Variants in MYH1 observed in about 807,000 individuals in gnomAD.
MYH1 encodes myosin heavy chain 1.
In MYH1, 214 loss-of-function variants were observed where a neutral mutation model predicts 225.6. That is an observed-to-expected ratio of 0.95 (90% CI 0.85 to 1.06). MYH1 has a LOEUF of 1.06. Among genes scored for constraint, MYH1 ranks in the 50% least tolerant of loss-of-function variants. The probability of loss-of-function intolerance (pLI) is 0.00; values close to 1 mark genes in which losing one functional copy is unlikely to be tolerated. For synonymous variants in MYH1, 774 were observed against 842.3 expected, an observed-to-expected ratio of 0.92 and a Z score of 1.40; for missense variants, 2,098 against 2,344.2, an observed-to-expected ratio of 0.89 and a Z score of 2.17.
chr17:10,499,014 T>C lies in MYH1; in HGVS notation c.3944A>G (p.Gln1315Arg), dbSNP rs2073025670. Residue 1315 changes from glutamine to arginine, a missense_variant, in exon 29 of 40, where the codon CAG becomes CGG. Transcript: ENST00000226207. ...AAGTTGCCTTTTCAGTTCCTCAATC[T>C]GTTGTGTAAAGGCTTGTTTGCCCCT... ...LSRGKQAFTQ[Q>R]IEELKRQLEE... 1 of 1,614,132 alleles carries C rather than the reference T, an allele frequency of 6.2e-7. No homozygotes were observed. The highest frequency in any genetic ancestry group is 8.5e-7 in the Non-Finnish European group (1 of 1,179,956).
In MYH1 at chr17:10,516,067, A is replaced by C; in HGVS notation, c.364T>G (p.Phe122Val). ...TTGTAGGGGTTGACAGTGACACAGA[A>C]CAAGCCTGAGTAGGTCTGCACCCAA... The part of the protein sequence containing the change: ...AWMIYTYSGL[F>V]CVTVNPYKWL... Residue 122 changes from phenylalanine (F) to valine (V), a missense_variant, in exon 5 of 40, where the codon TTC (phenylalanine) becomes GTC (valine). Transcript: ENST00000226207. 6.2e-7 allele frequency: 1 copy of C among 1,614,114 alleles called. No individual in the cohort carries two copies. The highest frequency in any genetic ancestry group is 8.5e-7 in the Non-Finnish European group (1 of 1,179,976).
intron 9 of MYH1, among the ~76,000 whole-genome samples, 170 bp downstream of exon 9, chr17:10,513,454 CTG>C (rs1407153164): frequency 1.3e-5 from 2 of 152,170 alleles, no homozygotes; most frequent in Non-Finnish European, 2.9e-5. Flanking sequence ...TACCTCATGA[CTG>C]GAGTGGGTAA....
Position 10,497,062 on chromosome 17 carries a change from T to C in MYH1, c.4656+7A>G. On this transcript the variant is annotated splice_region_variant and intron_variant, in intron 33 of 39. Transcript: ENST00000226207. Reference sequence around the variant, plus strand: ...AATTGTTTTAGAGTATGCAATAAAATGCTTACCTCTGCCTCCTCTAAGGCA... The same window carrying C: ...AATTGTTTTAGAGTATGCAATAAAACGCTTACCTCTGCCTCCTCTAAGGCA... The C allele has an allele frequency of 1.2e-6, 2 of 1,611,882 alleles. No individual in the cohort carries two copies. The highest frequency in any genetic ancestry group is 1.7e-6 in the Non-Finnish European group (2 of 1,179,562).
chr17:10,496,832 T>C (rs1049145068), intron 33 of MYH1, among the ~76,000 whole-genome samples: 2 of 152,248 alleles, frequency 1.3e-5, no homozygotes, highest in Admixed American at 6.5e-5. Flanking sequence ...TTTATCTCCC[T>C]AGGTAGATTG....
At chr17:10,516,381 GTGC>G in intron 3 of MYH1, 39 bp from the exon 4 acceptor site, 1 of 1,614,110 alleles carries the variant, frequency 6.2e-7, no homozygotes. Context: ...CAAAAAGTAA[GTGC>G]TAACTTAACC....
Position 10,501,397 on chromosome 17 carries a change from T to G in MYH1, c.3451A>C (p.Ser1151Arg), listed in dbSNP as rs767665290. Reference protein sequence around the residue: ...SDLSRELEEISERLEEAGGAT... With the variant: ...SDLSRELEEIRERLEEAGGAT... Reference sequence around the variant, plus strand: ...CCACCGGCTTCTTCCAGCCTCTCGCTGATCTCCTCCAGCTCCCGGGAGAGA... The same window carrying G: ...CCACCGGCTTCTTCCAGCCTCTCGCGGATCTCCTCCAGCTCCCGGGAGAGA... The change falls in exon 27 of 40, where the codon AGC (serine) becomes CGC (arginine). Residue 1151 changes from serine to arginine, a missense_variant. Physicochemically the swap from Ser to Arg is moderately radical, Grantham distance 110. Transcript: ENST00000226207. 4 of 1,614,222 alleles carry G rather than the reference T, an allele frequency of 2.5e-6. No individual in the cohort carries two copies. In the East Asian group the frequency reaches 6.7e-5, roughly 27 times the overall value.
At chr17:10,508,943 C>A (rs2073145139) in intron 15 of MYH1, among the ~76,000 whole-genome samples, 1 of 152,158 alleles carries the variant, frequency 6.6e-6, no homozygotes, top group Non-Finnish European at 1.5e-5. Context: ...CCCCAAAGAC[C>A]TGAGAGCAAT....
intron 14 of MYH1, among the ~76,000 whole-genome samples, chr17:10,510,353 G>A (rs953234412): frequency 6.6e-6 from 1 of 152,108 alleles, no homozygotes; most frequent in Admixed American, 6.6e-5. Context: ...TGAGTGCCTT[G>A]TATAAGTTAC....
chr17:10,505,494 G>C lies in MYH1; in HGVS notation c.2192C>G (p.Ala731Gly). The change falls in exon 20 of 40, where the codon GCA becomes GGA. Residue 731 changes from alanine to glycine, a missense_variant. Coordinates refer to ENST00000226207, the MANE Select transcript of MYH1 (RefSeq NM_005963.4). ...GAATTGTCCTTCAGGGATAGCACTT[G>C]CATTTAACACCTTGTATCTGTTTAA... ...DFKQRYKVLNASAIPEGQFID... is the reference protein window; with the variant it reads ...DFKQRYKVLNGSAIPEGQFID... 6.2e-7 allele frequency: 1 copy of C among 1,614,116 alleles called. No individual in the cohort carries two copies. The highest frequency in any genetic ancestry group is 1.1e-5 in the South Asian group (1 of 91,078).
At chr17:10,501,938 G>A (rs1316301927) in intron 24 of MYH1, 27 bp from the exon 25 acceptor site, 1 of 1,586,114 alleles carries the variant, frequency 6.3e-7, no homozygotes, top group Non-Finnish European at 8.5e-7. Context: ...CATGAATATG[G>A]TTCTTAGAAT....
In MYH1 at chr17:10,516,383, G is replaced by A. The variant is rs766703781; in HGVS notation, c.205-41C>T. The A allele has an allele frequency of 2.5e-6, 4 of 1,614,120 alleles. No individual in the cohort carries two copies. The East Asian group carries it at 8.9e-5, about 36-fold the overall frequency. ...AGAGAGGCCAGATCAAAAAGTAAGT[G>A]CTAACTTAACCCAAAATGAGGCAGA... On this transcript the variant is annotated intron_variant, in intron 3 of 39. Coordinates refer to ENST00000226207, the MANE Select transcript of MYH1 (RefSeq NM_005963.4).
intron 21 of MYH1, 31 bp from the exon 22 acceptor site, chr17:10,505,096 A>G (rs1165310969): frequency 6.2e-7 from 1 of 1,613,008 alleles, no homozygotes; most frequent in Non-Finnish European, 8.5e-7. Flanking sequence ...TCCAAATCAG[A>G]TTATAATAAG....
intron 37 of MYH1, 28 bp from the exon 38 acceptor site, chr17:10,494,701 A>G (rs775518017): frequency 1.9e-6 from 3 of 1,611,076 alleles, no homozygotes; most frequent in Non-Finnish European, 2.5e-6. Context: ...TTTTAAGGAC[A>G]TTCATTTGAC....
intron 16 of MYH1, 61 bp from the exon 17 acceptor site, chr17:10,508,017 TG>T (rs2073131620): frequency 3.4e-5 from 40 of 1,167,332 alleles, no homozygotes; most frequent in South Asian, 6.2e-5. Context: ...TTTTTTTTTT[TG>T]TTTTTTTTTG....
chr17:10,492,846 G>GTTTTTT (rs61147841), intron 39 of MYH1, among the ~76,000 whole-genome samples: 14 of 146,494 alleles, frequency 9.6e-5, no homozygotes, highest in Admixed American at 1.4e-4. Context: ...GTCCAGCTTT[G>GTTTTTT]TTTTTTTTTT....
chr17:10,493,874 A>T (rs1464059947), intron 39 of MYH1, among the ~76,000 whole-genome samples: 1 of 152,220 alleles, frequency 6.6e-6, no homozygotes, highest in Non-Finnish European at 1.5e-5. Context: ...AAGCCACAGA[A>T]CCGACCTGAA....
In MYH1 at chr17:10,497,279, G is replaced by A. The variant is rs920379103; in HGVS notation, c.4531+8C>T. The A allele has an allele frequency of 1.1e-5, 18 of 1,597,430 alleles. No individual in the cohort carries two copies. The highest frequency in any genetic ancestry group is 1.5e-5 in the Non-Finnish European group (18 of 1,175,718). On this transcript the variant is annotated splice_region_variant and intron_variant, in intron 32 of 39. Coordinates refer to ENST00000226207, the MANE Select transcript of MYH1 (RefSeq NM_005963.4). The stretch of plus-strand genomic sequence containing the variant: ...TTTATTGTTAAAGAAAAGGTAAAAT[G>A]TTCTCACGTTGCAAATTCTTATTTT...
chr17:10,492,688 A>G, intron 39 of MYH1, 120 bp from the exon 40 acceptor site: 1 of 1,120,334 alleles, frequency 8.9e-7, no homozygotes, highest in Non-Finnish European at 1.2e-6. Context: ...ATTTTAAGAA[A>G]CCTAGAGAAA....
rs752253269 is a variant in MYH1, at chr17:10,501,610, T to A, written c.3332A>T (p.Lys1111Ile). The change falls in exon 26 of 40, where the codon AAA becomes ATA. Residue 1111 changes from lysine (K) to isoleucine (I), a missense_variant. Physicochemically the swap from Lys to Ile is moderately radical, Grantham distance 102 (BLOSUM62 -3). Coordinates refer to ENST00000226207, the MANE Select transcript of MYH1 (RefSeq NM_005963.4). ...TTAACGTACTTGTAACTCCTTGATTTTCTTCTGCAGCTGCATACCAAGGGC... is the reference window on the plus strand; with the variant it reads ...TTAACGTACTTGTAACTCCTTGATTATCTTCTGCAGCTGCATACCAAGGGC... Reference protein sequence around the residue: ...EQALGMQLQKKIKELQARIEE... With the variant: ...EQALGMQLQKIIKELQARIEE... 20 of 1,614,222 alleles carry A rather than the reference T, an allele frequency of 1.2e-5. No homozygotes were observed. The Admixed American group carries it at 3.0e-4, about 24-fold the overall frequency.
Sources: gnomAD v4.1 joint callset for allele counts (sites outside exome capture counted in the v4.1 genomes callset) on GRCh38, gnomAD v4.1.1 for gene constraint, MANE v1.5 for transcripts, NCBI Gene and HGNC (gene_info 2026-07-23, HGNC 2026-07-21) for gene names.